Variants in RGS3 observed in about 807,000 individuals in gnomAD.
RGS3 encodes regulator of G-protein signalling 3.
Under a neutral mutation model 132.6 loss-of-function variants are expected in RGS3, and 80 were observed. The observed-to-expected ratio is 0.60, with a 90% CI of 0.50 to 0.73. The LOEUF is 0.73. RGS3 is among the 30% of genes least tolerant of loss of function. RGS3 has a pLI of 0.00. For missense variants in RGS3, 1,382 were observed against 1,530.8 expected (o/e 0.90, Z 1.62); for synonymous variants, 598 against 620.6 (o/e 0.96, Z 0.54).
intron 20 of RGS3, among the ~76,000 whole-genome samples, chr9:113,590,725 T>C (rs1374391229): frequency 6.6e-6 from 1 of 151,952 alleles, no homozygotes; most frequent in Non-Finnish European, 1.5e-5. Flanking sequence ...GCTGGAGAGA[T>C]AACTGAAGGA....
chr9:113,543,520 CG>C (rs905285891), intron 19 of RGS3, among the ~76,000 whole-genome samples: 3 of 152,066 alleles, frequency 2.0e-5, no homozygotes, highest in Non-Finnish European at 2.9e-5. Flanking sequence ...GCTCAGCCCG[CG>C]GGGGGGATTT....
intron 10 of RGS3, chr9:113,501,434 G>A (rs1416784427): frequency 1.4e-6 from 2 of 1,478,150 alleles, no homozygotes; most frequent in African/African-American, 2.8e-5. Context: ...GGCTTGGGGA[G>A]GTGAGAGGTG....
At chr9:113,548,369 G>A (rs886222802) in intron 19 of RGS3, among the ~76,000 whole-genome samples, 4 of 152,254 alleles carry the variant, frequency 2.6e-5, no homozygotes, top group African/African-American at 7.2e-5. Context: ...AGCTAGTGGC[G>A]TGGGGAGAGG....
rs1372459886 is a variant in RGS3, at chr9:113,485,605, T to A, written c.621-20T>A. On this transcript the variant is annotated intron_variant, in intron 6 of 24. Transcript: ENST00000350696. ...AGCTCAGCCCTTACTAACACTCCGATGGTCTGATTGATTTCGCAGTCCTGT... is the reference window on the plus strand; with the variant it reads ...AGCTCAGCCCTTACTAACACTCCGAAGGTCTGATTGATTTCGCAGTCCTGT... The A allele has an allele frequency of 3.2e-6, 5 of 1,583,680 alleles. No individual in the cohort carries two copies. Among genetic ancestry groups the A allele is most frequent in the Non-Finnish European group, 4.3e-6 (5 of 1,163,240 alleles).
At chr9:113,483,927 T>C (rs1450083384) in intron 5 of RGS3, among the ~76,000 whole-genome samples, 1 of 152,118 alleles carries the variant, frequency 6.6e-6, no homozygotes, top group African/African-American at 2.4e-5. Context: ...CCACCCACCA[T>C]GAGGCCCTGT....
intron 7 of RGS3, 127 bp from the exon 6 acceptor site, chr9:113,495,659 G>T (rs940736494): frequency 1.0e-5 from 8 of 770,142 alleles, no homozygotes; most frequent in African/African-American, 1.7e-5. Context: ...AGGATCAAAC[G>T]AGATGATGTG....
intron 1 of RGS3, chr9:113,445,018 A>C (rs1829072440): frequency 6.6e-6 from 1 of 152,036 alleles, no homozygotes; most frequent in Non-Finnish European, 1.5e-5. Flanking sequence ...TTGGAGATTC[A>C]CTTTACTTAT....
At chr9:113,544,701 G>A (rs1431833694) in intron 19 of RGS3, among the ~76,000 whole-genome samples, 1 of 152,190 alleles carries the variant, frequency 6.6e-6, no homozygotes. Context: ...TTGTTTTATG[G>A]ATGAAAGACA....
chr9:113,522,065 G>A (rs1225934344), intron 16 of RGS3, among the ~76,000 whole-genome samples: 2 of 152,224 alleles, frequency 1.3e-5, no homozygotes, highest in African/African-American at 4.8e-5. Flanking sequence ...TGGCATTAAA[G>A]GATCAAGTGG....
chr9:113,502,926 G>A (rs1343972752), intron 10 of RGS3, among the ~76,000 whole-genome samples: 1 of 152,202 alleles, frequency 6.6e-6, no homozygotes, highest in African/African-American at 2.4e-5. Flanking sequence ...GAAATCCAGC[G>A]ATGGTGCCAT....
chr9:113,469,258 TC>T (rs1487942021), intron 3 of RGS3, among the ~76,000 whole-genome samples: 1 of 152,096 alleles, frequency 6.6e-6, no homozygotes, highest in African/African-American at 2.4e-5. Flanking sequence ...CTTCAATGTG[TC>T]CCTGCCAGCT....
chr9:113,584,448 G>A, intron 20 of RGS3, 21 bp downstream of exon 18: 1 of 1,502,170 alleles, frequency 6.7e-7, no homozygotes, highest in Non-Finnish European at 8.8e-7. Context: ...TAAAGGGGGA[G>A]GGAGAAGGAT....
rs147150137 is a variant in RGS3, at chr9:113,523,770, G to C, written c.1870+729G>C. Among the ~76,000 whole-genome samples the C allele has an allele frequency of 2.6e-5, 4 of 152,298 alleles. No individual in the cohort carries two copies. The East Asian group carries it at 5.8e-4, about 22-fold the overall frequency. On this transcript the variant is annotated intron_variant, in intron 17 of 24. Coordinates refer to ENST00000350696, the Ensembl canonical transcript of RGS3. ...CCCAGATCATGAAAACAACAGACCC[G>C]TTTGAGGATGGGTGACAGGGGCAGA...
chr9:113,566,647 A>G (rs1373665012), intron 19 of RGS3, among the ~76,000 whole-genome samples: 1 of 152,238 alleles, frequency 6.6e-6, no homozygotes, highest in Non-Finnish European at 1.5e-5. Flanking sequence ...ACTAAGTATT[A>G]TAATTCAGCT....
chr9:113,456,787 CA>C (rs1456738353), upstream of RGS3, among the ~76,000 whole-genome samples: 1 of 151,884 alleles, frequency 6.6e-6, no homozygotes, highest in Admixed American at 6.6e-5. Context: ...ATAAAATATG[CA>C]GCCCTATATG....
chr9:113,452,068 A>T (rs1244463010), intron 1 of RGS3, among the ~76,000 whole-genome samples: 1 of 152,114 alleles, frequency 6.6e-6, no homozygotes, highest in East Asian at 1.9e-4. Flanking sequence ...GTGTGATCAT[A>T]GCTCACTGCA....
intron 19 of RGS3, among the ~76,000 whole-genome samples, chr9:113,577,330 A>G (rs1337042442): frequency 6.6e-6 from 1 of 152,222 alleles, no homozygotes; most frequent in Non-Finnish European, 1.5e-5. Flanking sequence ...AGTGCAAAGT[A>G]CAGAGAGTTC....
In RGS3 at chr9:113,491,589, C is replaced by T. The variant is rs115477049; in HGVS notation, c.690-4197C>T. ...TTTTTTTTTGAGATGAAGTCTCTCT[C>T]TGTTACCCAGGCTGGAGTGGAATGG... On this transcript the variant is annotated intron_variant, in intron 7 of 24. Transcript: ENST00000350696. 8.8e-3 allele frequency among the ~76,000 whole-genome samples: 1,334 copies of T among 151,542 alleles called. 19 individuals carry two copies. The highest frequency in any genetic ancestry group is 0.031 in the African/African-American group (1,271 of 41,292).
At position 113,530,824 on chromosome 9, in the gene RGS3, C is replaced by G. The variant is rs10981812; in HGVS notation, c.1914+1560C>G. Among the ~76,000 whole-genome samples the G allele has an allele frequency of 7.5e-3, 1,144 of 152,302 alleles. 46 individuals carry two copies. In the East Asian group the frequency reaches 0.077, roughly 10 times the overall value. On this transcript the variant is annotated intron_variant, in intron 18 of 24. Transcript: ENST00000350696. ...ACAGGCAGCTAGAAGCCTCTCTCTT[C>G]TCTTAATGGGTTGCTATTTAGAAGA...
Sources: allele counts gnomAD v4.1 joint callset (sites outside exome capture counted in the v4.1 genomes callset), GRCh38; gene constraint gnomAD v4.1.1; transcripts MANE v1.5; gene names NCBI Gene and HGNC (gene_info 2026-07-23, HGNC 2026-07-21).